PIEZO2: variants seen among roughly 807,000 people sequenced by gnomAD.
The protein encoded by PIEZO2 is piezo type mechanosensitive ion channel component 2.
Under a neutral mutation model 337.3 loss-of-function variants are expected in PIEZO2, and 172 were observed. The ratio of observed to expected loss-of-function variants is 0.51; its 90% CI spans 0.45 to 0.58. PIEZO2 has a LOEUF of 0.58. Ranked by LOEUF, PIEZO2 falls within the 20% of genes least tolerant of loss-of-function variation. The pLI is 0.00. For missense variants in PIEZO2, 3,028 were observed against 3,391.3 expected, an observed-to-expected ratio of 0.89 and a Z score of 2.66; for synonymous variants, 1,251 against 1,228.5, an observed-to-expected ratio of 1.02 and a Z score of -0.38.
chr18:10,821,060 C>T lies in PIEZO2; in HGVS notation c.918-13786G>A, dbSNP rs180791086. Among the ~76,000 whole-genome samples, 1 of 152,162 alleles carries T rather than the reference C, an allele frequency of 6.6e-6. No individual in the cohort carries two copies. Among genetic ancestry groups the T allele is most frequent in the African/African-American group, 2.4e-5 (1 of 41,438 alleles). On this transcript the variant is annotated intron_variant, in intron 7 of 55. Coordinates refer to ENST00000674853, the MANE Select transcript of PIEZO2 (RefSeq NM_001378183.1). The surrounding 1 kb of genome is among the most constrained non-coding windows in gnomAD (Gnocchi z 4.2). ...GAATTCAGCTAAAGTGTCTAGATGA[C>T]TCCTTGAAGATCTCTGGAGCTCTTT...
chr18:11,057,505 G>A (rs1167572436), intron 2 of PIEZO2, among the ~76,000 whole-genome samples: 1 of 152,152 alleles, frequency 6.6e-6, no homozygotes, highest in African/African-American at 2.4e-5. Flanking sequence ...CTGGTTCTCT[G>A]TTAACTCTTT....
intron 49 of PIEZO2, 83 bp downstream of exon 49, chr18:10,689,572 G>A (rs1167800428): frequency 1.9e-6 from 3 of 1,583,680 alleles, no homozygotes; most frequent in Non-Finnish European, 2.6e-6. Flanking sequence ...CCTTCATTGT[G>A]AGCAGAAGTT....
chr18:11,098,423 TAA>T (rs962846344), intron 1 of PIEZO2, among the ~76,000 whole-genome samples: 4 of 151,612 alleles, frequency 2.6e-5, no homozygotes, highest in African/African-American at 9.7e-5. Context: ...ATGTTTTTCA[TAA>T]AGTTTTCCAA....
rs2034068079 is a variant in PIEZO2 at position 10,677,587 on chromosome 18, G to A, written c.8081+160C>T. ...CAGAAAACTCCATAGCTGAGATTAA[G>A]TTTCTTTAATCTTGCAAAATGGGGC... On this transcript the variant is annotated intron_variant, in intron 53 of 55. Transcript: ENST00000674853. The surrounding 1 kb of genome is among the most constrained non-coding windows in gnomAD (Gnocchi z 4.1). 1 of 813,580 alleles carries A rather than the reference G, an allele frequency of 1.2e-6. No individual in the cohort carries two copies. The highest frequency in any genetic ancestry group is 1.9e-6 in the Non-Finnish European group (1 of 531,260). 50.4% of individuals were successfully genotyped at this position (813,580 alleles called of 1,614,324 possible).
rs113055627 is a variant in PIEZO2, at chr18:10,995,136, A to AT, written c.161-15477dup. ...GCTCATCATATCCATGCCAACATCT[A>AT]TTTTTTTTTAAATTTTTTGACTATG... On this transcript the variant is annotated intron_variant, in intron 2 of 55. Coordinates refer to ENST00000674853, the MANE Select transcript of PIEZO2 (RefSeq NM_001378183.1). Among the ~76,000 whole-genome samples, 163 of 148,778 alleles carry AT rather than the reference A, an allele frequency of 1.1e-3. 2 individuals carry two copies. The South Asian group carries it at 0.014, about 13-fold the overall frequency.
At chr18:11,063,461 C>T (rs2038042107) in intron 2 of PIEZO2, among the ~76,000 whole-genome samples, 4 of 152,102 alleles carry the variant, frequency 2.6e-5, no homozygotes, top group South Asian at 4.1e-4. Flanking sequence ...CCAAGAATGA[C>T]ATCAAAGGTC....
In PIEZO2 at chr18:11,127,468, G is replaced by T. The variant is rs1050790717; in HGVS notation, c.64+21057C>A. On this transcript the variant is annotated intron_variant, in intron 1 of 55. Coordinates refer to ENST00000674853, the MANE Select transcript of PIEZO2 (RefSeq NM_001378183.1). The surrounding 1 kb of genome is among the most constrained non-coding windows in gnomAD (Gnocchi z 4.5). ...TAATCTGGTGGGCACAATCTAATCA[G>T]CGAATATAAAGAAGGTAGGAAAACG... Among the ~76,000 whole-genome samples, 5 of 152,056 alleles carry T rather than the reference G, an allele frequency of 3.3e-5. No homozygotes were observed. The highest frequency in any genetic ancestry group is 9.7e-5 in the African/African-American group (4 of 41,380).
chr18:10,791,265 A>C lies in PIEZO2; in HGVS notation c.1818T>G (p.Ala606=). 5.2e-6 allele frequency: 8 copies of C among 1,536,236 alleles called. No individual in the cohort carries two copies. Among genetic ancestry groups the C allele is most frequent in the Non-Finnish European group, 6.1e-6 (7 of 1,146,420 alleles). ...ATAAAAGAGCTTCCTTTTCTTGCAGAGCTTTTTGCTCTGTGAGGTGCTGCC... is the reference window on the plus strand; with the variant it reads ...ATAAAAGAGCTTCCTTTTCTTGCAGCGCTTTTTGCTCTGTGAGGTGCTGCC... ...LLRQHLTEQK[A]LQEKEALLSE... The change falls in exon 14 of 56, where the codon GCT becomes GCG. Residue 606 remains alanine (A), a synonymous_variant. Coordinates refer to ENST00000674853, the MANE Select transcript of PIEZO2 (RefSeq NM_001378183.1).
At position 10,781,583 on chromosome 18, in the gene PIEZO2, C is replaced by T. The variant is rs1279812933; in HGVS notation, c.2493-1217G>A. 6.6e-6 allele frequency among the ~76,000 whole-genome samples: 1 copy of T among 151,882 alleles called. No individual in the cohort carries two copies. The highest frequency in any genetic ancestry group is 1.5e-5 in the Non-Finnish European group (1 of 67,968). ...GTTATAATTCTTATAATATGAAATTCTATCAATATATAGGTGAAATAATAT... is the reference window on the plus strand; with the variant it reads ...GTTATAATTCTTATAATATGAAATTTTATCAATATATAGGTGAAATAATAT... On this transcript the variant is annotated intron_variant, in intron 17 of 55. Transcript: ENST00000674853. This position sits in a 1 kb window ranked among gnomAD's most constrained non-coding sequence, Gnocchi z 4.1.
In PIEZO2 at chr18:10,677,751, G is replaced by C. The variant is rs1185436811; in HGVS notation, c.8077C>G (p.Pro2693Ala). Residue 2693 changes from proline (P) to alanine (A), a missense_variant, in exon 53 of 56, where the codon CCA becomes GCA. Pro to Ala is a conservative substitution (Grantham distance 27). This residue lies in a region of PIEZO2 where 332 missense variants were observed against 363.8 expected (regional missense o/e 0.91). Transcript: ENST00000674853. The surrounding 1 kb of genome is among the most constrained non-coding windows in gnomAD (Gnocchi z 4.1). ...AGNSTESSKT[P>A]VTIEKIYPYY... ...AGTAGGAAAAAATACACTTACACTG[G>C]TGTTTTTGAACTTTCTGTGCTGTTG... 6.2e-7 allele frequency: 1 copy of C among 1,608,332 alleles called. No homozygotes were observed. Among genetic ancestry groups the C allele is most frequent in the Non-Finnish European group, 8.5e-7 (1 of 1,178,752 alleles).
intron 21 of PIEZO2, chr18:10,769,856 A>G (rs2038523364): frequency 3.8e-6 from 1 of 265,332 alleles, no homozygotes; most frequent in African/African-American, 2.2e-5. Flanking sequence ...ATAGATTCCC[A>G]TAGGCAGGGG....
Position 10,877,094 on chromosome 18 carries a change from T to C in PIEZO2, c.330-5679A>G, listed in dbSNP as rs942244093. Among the ~76,000 whole-genome samples the C allele has an allele frequency of 6.6e-6, 1 of 152,232 alleles. No homozygotes were observed. Among genetic ancestry groups the C allele is most frequent in the Non-Finnish European group, 1.5e-5 (1 of 68,040 alleles). ...CACTAAGAAATTCTGACTTGTATTG[T>C]AGCCACCAGACTCTTCTCTACGTCC... On this transcript the variant is annotated intron_variant, in intron 4 of 55. Transcript: ENST00000674853. The surrounding 1 kb of genome is among the most constrained non-coding windows in gnomAD (Gnocchi z 5.3).
intron 1 of PIEZO2, among the ~76,000 whole-genome samples, chr18:11,123,898 G>A (rs2040105523): frequency 1.3e-5 from 2 of 151,794 alleles, no homozygotes; most frequent in Admixed American, 1.3e-4. Flanking sequence ...TAAGATTGCT[G>A]AAAGAGTAGA....
At position 10,726,625 on chromosome 18, in the gene PIEZO2, T is replaced by C; in HGVS notation, c.5029+4782A>G. On this transcript the variant is annotated intron_variant, in intron 36 of 55. Transcript: ENST00000674853. This position sits in a 1 kb window ranked among gnomAD's most constrained non-coding sequence, Gnocchi z 5.9. ...CTACGTGCGGGACGCCGACGTGCGC[T>C]GGGAGTACTGCGCGCGCGCCAAGCG... 1 of 711,424 alleles carries C rather than the reference T, an allele frequency of 1.4e-6. No individual in the cohort carries two copies. Among genetic ancestry groups the C allele is most frequent in the Middle Eastern group, 4.1e-4 (1 of 2,468 alleles). The allele number at this position is 711,424 out of a possible 1,614,324, so 44.1% of individuals were successfully genotyped here. A position where few individuals can be genotyped will look rare whatever the true frequency, so the allele number is the denominator to read the frequency against.
At chr18:10,907,293 A>C (rs2030029889) in intron 4 of PIEZO2, among the ~76,000 whole-genome samples, 1 of 152,002 alleles carries the variant, frequency 6.6e-6, no homozygotes, top group Non-Finnish European at 1.5e-5. Context: ...AAATACAAAA[A>C]TTAGCTGGGT....
rs1047773053 is a variant in PIEZO2 at position 11,080,836 on chromosome 18, C to G, written c.65-14614G>C. ...CCCAGCCTGGCGACAGAGCAAGGCT[C>G]TGTCAATAAATAAATAAACAAACAC... On this transcript the variant is annotated intron_variant, in intron 1 of 55. Coordinates refer to ENST00000674853, the MANE Select transcript of PIEZO2 (RefSeq NM_001378183.1). The surrounding 1 kb of genome is among the most constrained non-coding windows in gnomAD (Gnocchi z 5.4). 2.0e-5 allele frequency among the ~76,000 whole-genome samples: 3 copies of G among 152,086 alleles called. No individual in the cohort carries two copies. The highest frequency in any genetic ancestry group is 7.2e-5 in the African/African-American group (3 of 41,412).
At chr18:10,845,961 G>A (rs1489905747) in intron 7 of PIEZO2, among the ~76,000 whole-genome samples, 1 of 152,202 alleles carries the variant, frequency 6.6e-6, no homozygotes, top group Non-Finnish European at 1.5e-5. Context: ...CCTAAGCAGA[G>A]CTTCATATTC....
intron 26 of PIEZO2, among the ~76,000 whole-genome samples, chr18:10,758,866 C>T (rs974605140): frequency 1.3e-5 from 2 of 152,230 alleles, no homozygotes; most frequent in Non-Finnish European, 2.9e-5. Context: ...CCACAAAGGG[C>T]TGAGGCCAAG....
intron 4 of PIEZO2, among the ~76,000 whole-genome samples, chr18:10,884,847 T>A (rs264212): frequency 1.3e-5 from 2 of 152,034 alleles, no homozygotes; most frequent in Non-Finnish European, 2.9e-5. Flanking sequence ...AAAGCAAGAA[T>A]CTTTGTATGT....
Sources: allele counts gnomAD v4.1 joint callset (sites outside exome capture counted in the v4.1 genomes callset), GRCh38; gene constraint gnomAD v4.1.1; regional missense constraint gnomAD v4.1.1; non-coding constraint Gnocchi (gnomAD v3.1); transcripts MANE v1.5; gene names NCBI Gene and HGNC (gene_info 2026-07-23, HGNC 2026-07-21).